The following PRRC2A variants were observed in gnomAD, a reference collection of about 807,000 sequenced individuals.
PRRC2A encodes the protein protein PRRC2A.
A neutral mutation model predicts 224.6 loss-of-function variants in PRRC2A; 59 were observed. The observed-to-expected ratio is 0.26, with a 90% confidence interval of 0.21 to 0.33. The LOEUF (loss-of-function observed/expected upper bound fraction) is 0.33, where lower values mean the gene tolerates loss of function less well. Among genes scored for constraint, PRRC2A ranks in the 10% least tolerant of loss-of-function variants. The pLI is 1.00. For synonymous variants in PRRC2A, 1,194 were observed against 1,109.5 expected (o/e 1.08, Z -1.51); for missense variants, 3,095 against 2,880.7 (o/e 1.07, Z -1.70).
Position 31,637,240 on chromosome 6 carries a change from C to G in PRRC2A, c.6249C>G (p.Phe2083Leu). ...GACGCCCTTCTTCCCTTAGGTCCTT[C>G]TCTGGCCTCAATTCCCGTCTCAAGG... ...SSRTPPTGRSFSGLNSRLKAT... is the reference protein window; with the variant it reads ...SSRTPPTGRSLSGLNSRLKAT... Residue 2083 changes from phenylalanine to leucine, a missense_variant, in exon 30 of 31, where the codon TTC (phenylalanine) becomes TTG (leucine). Physicochemically the swap from Phe to Leu is conservative, Grantham distance 22. Around this residue, in one of 8 missense-constraint regions of PRRC2A, gnomAD observed 662 missense variants for 609.5 expected, o/e 1.09. Coordinates refer to ENST00000376033, the MANE Select transcript of PRRC2A (RefSeq NM_004638.4). 1 of 1,611,284 alleles carries G rather than the reference C, an allele frequency of 6.2e-7. No homozygotes were observed. The highest frequency in any genetic ancestry group is 8.5e-7 in the Non-Finnish European group (1 of 1,178,400).
chr6:31,626,731 G>T, intron 9 of PRRC2A, 41 bp from the exon 10 acceptor site: 1 of 1,518,194 alleles, frequency 6.6e-7, no homozygotes, highest in South Asian at 1.2e-5. Context: ...AAGATTGGAG[G>T]GCAGAATGCT....
At position 31,628,193 on chromosome 6, in the gene PRRC2A, T is replaced by A. The variant is rs965069320; in HGVS notation, c.1719T>A (p.Gly573=). ...VAAAPTLVSG[G]GSTSSTSSGS... is the part of the protein sequence containing the mutation. Reference sequence around the variant, plus strand: ...CGGCTCCCACTCTGGTGAGTGGTGGTGGCAGTACCAGTAGCACCAGCAGTG... The same window carrying A: ...CGGCTCCCACTCTGGTGAGTGGTGGAGGCAGTACCAGTAGCACCAGCAGTG... Residue 573 remains glycine, a synonymous_variant, in exon 12 of 31, where the codon GGT becomes GGA. Coordinates refer to ENST00000376033, the MANE Select transcript of PRRC2A (RefSeq NM_004638.4). 1.2e-6 allele frequency: 2 copies of A among 1,612,802 alleles called. No homozygotes were observed. Among genetic ancestry groups the A allele is most frequent in the Non-Finnish European group, 1.7e-6 (2 of 1,179,996 alleles).
At chr6:31,633,297 G>A (rs1776896032) in intron 16 of PRRC2A, 82 bp from the exon 17 acceptor site, 2 of 1,542,864 alleles carry the variant, frequency 1.3e-6, no homozygotes, top group Non-Finnish European at 1.8e-6. Flanking sequence ...AGAATAGGTT[G>A]TAAGCAGAAG....
At position 31,631,350 on chromosome 6, in the gene PRRC2A, C is replaced by G; in HGVS notation, c.2677C>G (p.Leu893Val). ...GCCCCCTAAGGAGGAGACTGCACAG[C>G]TGACGGGGCCAGAAGCAGGCCGAAA... ...KEPPKEETAQ[L>V]TGPEAGRKPA... is the part of the protein sequence containing the mutation. Residue 893 changes from leucine (L) to valine (V), a missense_variant, in exon 16 of 31, where the codon CTG (leucine) becomes GTG (valine). Around this residue, in one of 8 missense-constraint regions of PRRC2A, gnomAD observed 2,001 missense variants for 1,764.9 expected, o/e 1.13. Coordinates refer to ENST00000376033, the MANE Select transcript of PRRC2A (RefSeq NM_004638.4). This position sits in a 1 kb window ranked among gnomAD's most constrained non-coding sequence, Gnocchi z 4.5. 1 of 1,601,990 alleles carries G rather than the reference C, an allele frequency of 6.2e-7. No individual in the cohort carries two copies. The highest frequency in any genetic ancestry group is 2.2e-5 in the East Asian group (1 of 44,740).
rs748117349 is a variant in PRRC2A at position 31,631,929 on chromosome 6, G to A, written c.3256G>A (p.Glu1086Lys). The A allele has an allele frequency of 5.6e-6, 9 of 1,612,776 alleles. No individual in the cohort carries two copies. Among genetic ancestry groups the A allele is most frequent in the African/African-American group, 4.0e-5 (3 of 74,900 alleles). Residue 1086 changes from glutamate to lysine, a missense_variant, in exon 16 of 31, where the codon GAG (glutamate) becomes AAG (lysine). By Grantham distance (56) the Glu-to-Lys change is moderately conservative. Around this residue, in one of 8 missense-constraint regions of PRRC2A, gnomAD observed 2,001 missense variants for 1,764.9 expected, o/e 1.13. Coordinates refer to ENST00000376033, the MANE Select transcript of PRRC2A (RefSeq NM_004638.4). The surrounding 1 kb of genome is among the most constrained non-coding windows in gnomAD (Gnocchi z 4.5). The part of the protein sequence containing the change: ...PPAPRGRTAS[E>K]TRSEGSEYEE... Reference sequence around the variant, plus strand: ...TGCTCCCCGAGGCCGCACTGCCAGCGAGACACGGAGCGAGGGTTCAGAGTA... The same window carrying A: ...TGCTCCCCGAGGCCGCACTGCCAGCAAGACACGGAGCGAGGGTTCAGAGTA...
chr6:31,631,105 T>TA lies in PRRC2A; in HGVS notation c.2466-33dup. On this transcript the variant is annotated intron_variant, in intron 15 of 30. Transcript: ENST00000376033. This position sits in a 1 kb window ranked among gnomAD's most constrained non-coding sequence, Gnocchi z 4.5. ...CCACCTAGTTCTGGTTTTCCTGAGA[T>TA]ACTTATTTCCATTCTTTCTGTCTGT... 1 of 1,441,920 alleles carries TA rather than the reference T, an allele frequency of 6.9e-7. No individual in the cohort carries two copies. Among genetic ancestry groups the TA allele is most frequent in the South Asian group, 1.4e-5 (1 of 72,672 alleles). The allele number at this position is 1,441,920 out of a possible 1,614,324, so 89.3% of individuals were successfully genotyped here. A position where few individuals can be genotyped will look rare whatever the true frequency, so the allele number is the denominator to read the frequency against.
chr6:31,633,073 G>C, intron 16 of PRRC2A, 81 bp downstream of exon 16: 1 of 1,431,000 alleles, frequency 7.0e-7, no homozygotes, highest in Non-Finnish European at 9.2e-7. Context: ...AAGTTTGGGT[G>C]GAGTGGAGAT....
intron 2 of PRRC2A, 73 bp from the exon 3 acceptor site, chr6:31,623,659 G>A (rs1443494691): frequency 6.7e-7 from 1 of 1,492,672 alleles, no homozygotes; most frequent in East Asian, 2.3e-5. Context: ...ATGTATAAAT[G>A]TGTCCCAGGA....
In PRRC2A at chr6:31,631,359, C is replaced by T. The variant is rs1776543005; in HGVS notation, c.2686C>T (p.Pro896Ser). Residue 896 changes from proline to serine, a missense_variant, in exon 16 of 31, where the codon CCA (proline) becomes TCA (serine). Physicochemically the swap from Pro to Ser is moderately conservative, Grantham distance 74. Around this residue, in one of 8 missense-constraint regions of PRRC2A, gnomAD observed 2,001 missense variants for 1,764.9 expected, o/e 1.13. Coordinates refer to ENST00000376033, the MANE Select transcript of PRRC2A (RefSeq NM_004638.4). This position sits in a 1 kb window ranked among gnomAD's most constrained non-coding sequence, Gnocchi z 4.5. ...PKEETAQLTG[P>S]EAGRKPARGV... ...GGAGGAGACTGCACAGCTGACGGGG[C>T]CAGAAGCAGGCCGAAAGCCTGCCCG... 1 of 1,602,428 alleles carries T rather than the reference C, an allele frequency of 6.2e-7. No individual in the cohort carries two copies. The highest frequency in any genetic ancestry group is 1.3e-5 in the African/African-American group (1 of 74,248).
At position 31,632,549 on chromosome 6, in the gene PRRC2A, A is replaced by G. The variant is rs1465246824; in HGVS notation, c.3876A>G (p.Thr1292=). Residue 1292 remains threonine, a synonymous_variant, in exon 16 of 31, where the codon ACA becomes ACG. Coordinates refer to ENST00000376033, the MANE Select transcript of PRRC2A (RefSeq NM_004638.4). ...SAPGPEEALT[T]VTVAPAPRRA... ...CTGGACCTGAGGAGGCCCTCACAAC[A>G]GTCACAGTGGCCCCAGCACCTCGCC... 6.2e-7 allele frequency: 1 copy of G among 1,611,646 alleles called. No homozygotes were observed. The highest frequency in any genetic ancestry group is 2.2e-5 in the East Asian group (1 of 44,856).
Position 31,631,179 on chromosome 6 carries a change from G to T in PRRC2A, c.2506G>T (p.Ala836Ser). 1 of 1,572,818 alleles carries T rather than the reference G, an allele frequency of 6.4e-7. No homozygotes were observed. Among genetic ancestry groups the T allele is most frequent in the South Asian group, 1.2e-5 (1 of 85,710 alleles). Residue 836 changes from alanine (A) to serine (S), a missense_variant, in exon 16 of 31, where the codon GCC becomes TCC. This residue lies in a region of PRRC2A where 2,001 missense variants were observed against 1,764.9 expected (regional missense o/e 1.13). Transcript: ENST00000376033. This position sits in a 1 kb window ranked among gnomAD's most constrained non-coding sequence, Gnocchi z 4.5. The stretch of plus-strand genomic sequence containing the variant: ...AGTACCTCCCCCACCACCCTATCTG[G>T]CCAGTTATCCAGGCTTTCCTGAGAA... ...PPVPPPPPYL[A>S]SYPGFPENGA... is the part of the protein sequence containing the mutation.
chr6:31,626,259 G>A (rs1355392218), intron 9 of PRRC2A, 97 bp downstream of exon 9: 3 of 1,399,990 alleles, frequency 2.1e-6, no homozygotes, highest in African/African-American at 2.9e-5. Context: ...GGCAGACATT[G>A]AAGTGTAGGA....
Position 31,626,757 on chromosome 6 carries a change from C to A in PRRC2A, c.983-15C>A. Reference sequence around the variant, plus strand: ...GCAGAATGCTTGGGTTACTAATACTCATATTTCCCCTCAGGGGCCCATGAA... The same window carrying A: ...GCAGAATGCTTGGGTTACTAATACTAATATTTCCCCTCAGGGGCCCATGAA... On this transcript the variant is annotated splice_polypyrimidine_tract_variant and intron_variant, in intron 9 of 30. Transcript: ENST00000376033. 1 of 1,562,038 alleles carries A rather than the reference C, an allele frequency of 6.4e-7. No homozygotes were observed. Among genetic ancestry groups the A allele is most frequent in the South Asian group, 1.2e-5 (1 of 84,968 alleles).
chr6:31,631,079 C>T lies in PRRC2A; in HGVS notation c.2466-60C>T, dbSNP rs2150517218. On this transcript the variant is annotated intron_variant, in intron 15 of 30. Coordinates refer to ENST00000376033, the MANE Select transcript of PRRC2A (RefSeq NM_004638.4). This position sits in a 1 kb window ranked among gnomAD's most constrained non-coding sequence, Gnocchi z 4.5. ...CTGCATCATAATAAAGTGTTCTTTT[C>T]CCACCTAGTTCTGGTTTTCCTGAGA... The T allele has an allele frequency of 1.4e-6, 2 of 1,405,318 alleles. No homozygotes were observed. The highest frequency in any genetic ancestry group is 4.6e-5 in the East Asian group (2 of 43,270). 87.1% of individuals were successfully genotyped at this position (1,405,318 alleles called of 1,614,324 possible). A position where few individuals can be genotyped will look rare whatever the true frequency, so the allele number is the denominator to read the frequency against.
In PRRC2A at chr6:31,632,598, C is replaced by T. The variant is rs753167670; in HGVS notation, c.3925C>T (p.Leu1309=). 9 of 1,612,948 alleles carry T rather than the reference C, an allele frequency of 5.6e-6. No homozygotes were observed. In the African/African-American group the frequency reaches 1.2e-4, roughly 22 times the overall value. Residue 1309 remains leucine, a synonymous_variant, in exon 16 of 31, where the codon CTG becomes TTG. Transcript: ENST00000376033. ...PRRAAAKSPD[L]SNQNSDQANE... is the part of the protein sequence containing the mutation. ...CCGGGCAGCTGCCAAGTCTCCTGAT[C>T]TGTCAAACCAGAACTCAGACCAAGC...
In PRRC2A at chr6:31,632,614, C is replaced by T. The variant is rs764259398; in HGVS notation, c.3941C>T (p.Ser1314Leu). The T allele has an allele frequency of 1.2e-6, 2 of 1,613,094 alleles. No individual in the cohort carries two copies. Among genetic ancestry groups the T allele is most frequent in the Non-Finnish European group, 1.7e-6 (2 of 1,180,030 alleles). The change falls in exon 16 of 31, where the codon TCA becomes TTA. Residue 1314 changes from serine to leucine, a missense_variant. Transcript: ENST00000376033. ...AKSPDLSNQN[S>L]DQANEEWETA... ...TCTCCTGATCTGTCAAACCAGAACT[C>T]AGACCAAGCCAATGAGGAATGGGAG...
chr6:31,634,118 C>A, intron 18 of PRRC2A, 118 bp from the exon 19 acceptor site: 1 of 1,565,188 alleles, frequency 6.4e-7, no homozygotes, highest in South Asian at 1.2e-5. Flanking sequence ...CAGTATTAGT[C>A]TCCCATGTGT....
intron 2 of PRRC2A, chr6:31,623,259 A>ATTTTTTT (rs3993756): frequency 9.3e-6 from 3 of 324,212 alleles, no homozygotes; most frequent in Admixed American, 4.5e-5. Flanking sequence ...GATTTCATAG[A>ATTTTTTT]TTTTTTTTTT....
intron 12 of PRRC2A, 23 bp downstream of exon 12, chr6:31,628,262 TA>T: frequency 6.3e-7 from 1 of 1,592,274 alleles, no homozygotes; most frequent in Non-Finnish European, 8.5e-7. Flanking sequence ...GGATAGGTAC[TA>T]CCAGATGTCA....
Sources: allele counts gnomAD v4.1 joint callset, GRCh38; gene constraint gnomAD v4.1.1; regional missense constraint gnomAD v4.1.1; non-coding constraint Gnocchi (gnomAD v3.1); transcripts MANE v1.5; gene names NCBI Gene and HGNC (gene_info 2026-07-23, HGNC 2026-07-21).